CUX1: variants seen among roughly 807,000 people sequenced by gnomAD.
CUX1 encodes protein CASP.
A neutral mutation model predicts 158.8 loss-of-function variants in CUX1; 31 were observed. The ratio of observed to expected loss-of-function variants is 0.20; its 90% CI spans 0.15 to 0.26. The LOEUF is 0.26. Ranked by LOEUF, CUX1 falls within the 10% of genes least tolerant of loss-of-function variation. The probability of loss-of-function intolerance (pLI) is 1.00; values close to 1 mark genes in which losing one functional copy is unlikely to be tolerated. For synonymous variants in CUX1, 879 were observed against 862.1 expected (o/e 1.02, Z -0.34); for missense variants, 1,589 against 2,014.6 (o/e 0.79, Z 4.04).
chr7:102,282,696 G>T, intron 21 of CUX1: 1 of 1,612,034 alleles, frequency 6.2e-7, no homozygotes, highest in Non-Finnish European at 8.5e-7. Context: ...AGCTCACCGT[G>T]TCTCCACCTG....
chr7:101,816,518 C>CG (rs1283559098), upstream of CUX1, among the ~76,000 whole-genome samples: 1 of 139,108 alleles, frequency 7.2e-6, no homozygotes, highest in Non-Finnish European at 1.6e-5. Flanking sequence ...GAGCGGGCGG[C>CG]GGGGGGCGGG....
chr7:102,061,162 G>A (rs879393686), intron 3 of CUX1, among the ~76,000 whole-genome samples: 3 of 152,130 alleles, frequency 2.0e-5, no homozygotes, highest in Non-Finnish European at 4.4e-5. Flanking sequence ...GACCTCAGGT[G>A]ATCCATCTGC....
intron 2 of CUX1, among the ~76,000 whole-genome samples, chr7:101,985,779 A>G (rs1315105587): frequency 6.6e-6 from 1 of 152,240 alleles, no homozygotes; most frequent in Non-Finnish European, 1.5e-5. Flanking sequence ...AGTGTCTGCC[A>G]GGTAATGGTG....
At chr7:102,062,628 G>A (rs1034155275) in intron 3 of CUX1, among the ~76,000 whole-genome samples, 7 of 152,082 alleles carry the variant, frequency 4.6e-5, no homozygotes, top group African/African-American at 1.7e-4. Context: ...CTCCCAAAGA[G>A]GTGGGACCAC....
intron 20 of CUX1, among the ~76,000 whole-genome samples, chr7:102,226,496 A>G (rs1798360087): frequency 6.6e-6 from 1 of 152,112 alleles, no homozygotes. Context: ...TGATTGCACC[A>G]CTGCACTCCA....
At chr7:102,183,489 A>G (rs1793335372) in intron 11 of CUX1, among the ~76,000 whole-genome samples, 2 of 151,622 alleles carry the variant, frequency 1.3e-5, no homozygotes, top group Middle Eastern at 3.4e-3. Flanking sequence ...CTCCTCCCCA[A>G]CTCCCAGCAT....
At chr7:101,830,614 G>A (rs1480325406) in intron 1 of CUX1, among the ~76,000 whole-genome samples, 1 of 151,630 alleles carries the variant, frequency 6.6e-6, no homozygotes, top group Non-Finnish European at 1.5e-5. Context: ...CACCATGCCT[G>A]GCTAATTTTT....
intron 1 of CUX1, among the ~76,000 whole-genome samples, chr7:101,836,205 A>G (rs1001112948): frequency 6.6e-6 from 1 of 152,152 alleles, no homozygotes; most frequent in Non-Finnish European, 1.5e-5. Context: ...GTTCTCCAGA[A>G]TGCTGCTTTT....
chr7:102,106,312 T>A (rs1335330719), intron 6 of CUX1, among the ~76,000 whole-genome samples: 6 of 152,028 alleles, frequency 3.9e-5, no homozygotes, highest in African/African-American at 1.4e-4. Context: ...ATGGTCTCGA[T>A]CTCTTGACCT....
chr7:101,834,111 C>T (rs1385012646), intron 1 of CUX1, among the ~76,000 whole-genome samples: 1 of 150,190 alleles, frequency 6.7e-6, no homozygotes, highest in African/African-American at 2.4e-5. Flanking sequence ...CCTTTAGTGC[C>T]TAGTGTTCTG....
chr7:102,081,213 C>G (rs1336605272), intron 4 of CUX1, among the ~76,000 whole-genome samples: 1 of 152,148 alleles, frequency 6.6e-6, no homozygotes, highest in Admixed American at 6.5e-5. Flanking sequence ...TTTGCATTCC[C>G]TCCCTATCTA....
intron 1 of CUX1, chr7:101,913,514 G>A: frequency 4.9e-6 from 4 of 817,260 alleles, no homozygotes; most frequent in Non-Finnish European, 6.5e-6. Flanking sequence ...GATCAGCCCA[G>A]GGAGGGGCAG....
intron 2 of CUX1, among the ~76,000 whole-genome samples, chr7:101,981,188 C>T (rs1388351558): frequency 6.6e-6 from 1 of 152,000 alleles, no homozygotes; most frequent in Non-Finnish European, 1.5e-5. Flanking sequence ...ACTGTGTCCC[C>T]GGCCCCCTCC....
chr7:102,033,404 G>A, intron 3 of CUX1, among the ~76,000 whole-genome samples: 1 of 152,018 alleles, frequency 6.6e-6, no homozygotes, highest in East Asian at 1.9e-4. Context: ...AAAGAGCCAG[G>A]AGAGAAACAT....
chr7:102,160,754 G>T (rs782741745), intron 9 of CUX1, among the ~76,000 whole-genome samples: 1 of 152,162 alleles, frequency 6.6e-6, no homozygotes, highest in African/African-American at 2.4e-5. Context: ...CAGAGAGACA[G>T]AAAGTGCCAC....
intron 2 of CUX1, chr7:101,960,590 G>A (rs987307736): frequency 6.6e-6 from 1 of 152,282 alleles, no homozygotes; most frequent in Non-Finnish European, 1.5e-5. Flanking sequence ...GCAGTGAGCA[G>A]AGATGGCACC....
chr7:102,152,200 A>C (rs1416803329), intron 8 of CUX1, among the ~76,000 whole-genome samples: 1 of 152,122 alleles, frequency 6.6e-6, no homozygotes, highest in African/African-American at 2.4e-5. Flanking sequence ...TTTCTTTTAA[A>C]TTAGCTGGGC....
intron 2 of CUX1, among the ~76,000 whole-genome samples, chr7:102,017,082 TC>T (rs1297344600): frequency 2.0e-5 from 3 of 152,024 alleles, no homozygotes; most frequent in African/African-American, 7.2e-5. Flanking sequence ...GGTGGGTAGA[TC>T]ACCTGAGGTC....
chr7:102,143,095 C>T (rs886208403), intron 8 of CUX1, among the ~76,000 whole-genome samples: 1 of 152,144 alleles, frequency 6.6e-6, no homozygotes, highest in Non-Finnish European at 1.5e-5. Context: ...CCAGGGGGCT[C>T]AATGGATGGC....
Sources: gnomAD v4.1 joint callset for allele counts (sites outside exome capture counted in the v4.1 genomes callset) on GRCh38, gnomAD v4.1.1 for gene constraint, MANE v1.5 for transcripts, NCBI Gene and HGNC (gene_info 2026-07-23, HGNC 2026-07-21) for gene names.